SLC8A3: variants seen among roughly 807,000 people sequenced by gnomAD.
SLC8A3 encodes the protein solute carrier family 8 member A3.
In SLC8A3, 37 loss-of-function variants were observed where a neutral mutation model predicts 65.4. The ratio of observed to expected loss-of-function variants is 0.57; its 90% confidence interval spans 0.44 to 0.74. The LOEUF (loss-of-function observed/expected upper bound fraction) is 0.74. Ranked by LOEUF, SLC8A3 falls within the 30% of genes least tolerant of loss-of-function variation. The probability of loss-of-function intolerance (pLI) is 0.00; values close to 1 mark genes in which losing one functional copy is unlikely to be tolerated. For missense variants in SLC8A3, 1,112 were observed against 1,172.1 expected (o/e 0.95, Z 0.75); for synonymous variants, 461 against 444.5 (o/e 1.04, Z -0.47).
intron 2 of SLC8A3, among the ~76,000 whole-genome samples, chr14:70,066,779 C>G (rs1889478458): frequency 6.6e-6 from 1 of 152,140 alleles, no homozygotes; most frequent in African/African-American, 2.4e-5. Context: ...CCATTGCACT[C>G]CAGCCTGGGC....
chr14:70,174,593 G>C (rs1897749557), intron 1 of SLC8A3, among the ~76,000 whole-genome samples: 1 of 148,870 alleles, frequency 6.7e-6, no homozygotes, highest in African/African-American at 2.5e-5. Context: ...GGGGACCAGG[G>C]AAAAGTCAAG....
intron 1 of SLC8A3, among the ~76,000 whole-genome samples, chr14:70,172,281 AT>A (rs1345524626): frequency 6.6e-6 from 1 of 152,236 alleles, no homozygotes; most frequent in Non-Finnish European, 1.5e-5. Flanking sequence ...GAGGTTAGAA[AT>A]ATTTTTATCC....
chr14:70,130,772 G>A (rs892230887), intron 2 of SLC8A3, among the ~76,000 whole-genome samples: 5 of 152,346 alleles, frequency 3.3e-5, no homozygotes, highest in Non-Finnish European at 5.9e-5. Context: ...GTTGTATGCT[G>A]TAAATTATTC....
At chr14:70,155,773 A>T (rs1277494314) in intron 2 of SLC8A3, among the ~76,000 whole-genome samples, 1 of 152,246 alleles carries the variant, frequency 6.6e-6, no homozygotes, top group East Asian at 1.9e-4. Flanking sequence ...CGGAGTTACC[A>T]TCATCAAAAA....
At chr14:70,049,134 T>A (rs964121436) in intron 5 of SLC8A3, 92 bp from the exon 6 acceptor site, 8 of 1,284,486 alleles carry the variant, frequency 6.2e-6, no homozygotes, top group South Asian at 2.8e-5. Context: ...ACAGGCATCA[T>A]CCGCTAGAAG....
intron 2 of SLC8A3, among the ~76,000 whole-genome samples, chr14:70,073,864 AC>A (rs1890233093): frequency 6.6e-6 from 1 of 152,134 alleles, no homozygotes; most frequent in African/African-American, 2.4e-5. Flanking sequence ...CCTGCCTTCC[AC>A]CTTAATTCCC....
intron 1 of SLC8A3, among the ~76,000 whole-genome samples, chr14:70,170,001 C>T (rs1478541814): frequency 2.6e-5 from 4 of 152,192 alleles, no homozygotes; most frequent in Non-Finnish European, 5.9e-5. Context: ...TCACTCCTTA[C>T]CTCATGAATC....
intron 5 of SLC8A3, 150 bp from the exon 6 acceptor site, chr14:70,049,192 T>C (rs1352928824): frequency 6.6e-6 from 5 of 757,810 alleles, no homozygotes; most frequent in Non-Finnish European, 1.0e-5. Flanking sequence ...AGGGCCAGCG[T>C]GCCAGAAAAT....
At chr14:70,085,180 G>A (rs540350291) in intron 2 of SLC8A3, among the ~76,000 whole-genome samples, 1 of 152,220 alleles carries the variant, frequency 6.6e-6, no homozygotes, top group South Asian at 2.1e-4. Flanking sequence ...ATAACCTATA[G>A]ATTCTCTATC....
intron 2 of SLC8A3, among the ~76,000 whole-genome samples, chr14:70,120,769 A>C (rs1366582522): frequency 2.0e-5 from 3 of 152,208 alleles, no homozygotes; most frequent in African/African-American, 7.2e-5. Flanking sequence ...TTCAGCTCTA[A>C]TGATTTGAAA....
intron 2 of SLC8A3, among the ~76,000 whole-genome samples, chr14:70,161,773 G>T (rs1324052696): frequency 2.0e-5 from 3 of 152,236 alleles, no homozygotes; most frequent in Non-Finnish European, 4.4e-5. Context: ...AAAATCGATT[G>T]TGTTTTAGTT....
chr14:70,088,241 T>C (rs964099657), intron 2 of SLC8A3, among the ~76,000 whole-genome samples: 1 of 152,190 alleles, frequency 6.6e-6, no homozygotes. Flanking sequence ...ATACATCTGT[T>C]TGGTGTTGCT....
At chr14:70,132,554 T>C (rs1594731116) in intron 2 of SLC8A3, among the ~76,000 whole-genome samples, 1 of 152,174 alleles carries the variant, frequency 6.6e-6, no homozygotes, top group East Asian at 1.9e-4. Context: ...GGGCTCTGGC[T>C]GCGGTGACCT....
chr14:70,084,200 G>T (rs1891261695), intron 2 of SLC8A3, among the ~76,000 whole-genome samples: 1 of 152,156 alleles, frequency 6.6e-6, no homozygotes, highest in Non-Finnish European at 1.5e-5. Flanking sequence ...TTTAATTAAG[G>T]GGTCCTGCAT....
chr14:70,125,385 A>T (rs1894373601), intron 2 of SLC8A3, among the ~76,000 whole-genome samples: 2 of 151,638 alleles, frequency 1.3e-5, no homozygotes, highest in Non-Finnish European at 2.9e-5. Flanking sequence ...GCCCATGCAT[A>T]TGCATTATTT....
At chr14:70,150,675 C>T (rs549630160) in intron 2 of SLC8A3, among the ~76,000 whole-genome samples, 5 of 152,292 alleles carry the variant, frequency 3.3e-5, no homozygotes, top group African/African-American at 1.2e-4. Flanking sequence ...GCCAGGCCTG[C>T]CTCTCTTTGC....
intron 2 of SLC8A3, among the ~76,000 whole-genome samples, chr14:70,092,126 C>T (rs1891842428): frequency 6.6e-6 from 1 of 152,204 alleles, no homozygotes. Flanking sequence ...TCCTTAACAT[C>T]AGGGCTTTAT....
chr14:70,045,872 A>G lies in SLC8A3; in HGVS notation c.*75T>C. The G allele has an allele frequency of 7.2e-7, 1 of 1,391,746 alleles. No homozygotes were observed. The highest frequency in any genetic ancestry group is 9.6e-7 in the Non-Finnish European group (1 of 1,039,070). 86.2% of individuals were successfully genotyped at this position (1,391,746 alleles called of 1,614,324 possible). A position where few individuals can be genotyped will look rare whatever the true frequency, so the allele number is the denominator to read the frequency against. ...CTCTCCAGGGCAGTGCAGTCGGGAG[A>G]GATCACTGGTGGGGAAGTGCCCTTC... On this transcript the variant is annotated 3_prime_UTR_variant, in exon 7 of 7. Transcript: ENST00000356921.
At position 70,167,916 on chromosome 14, in the gene SLC8A3, G is replaced by T; in HGVS notation, c.507C>A (p.Thr169=). ...TGTTGAAGGCTGCACTCCCTACAAT[G>T]GTAGAAGGTCCCAGATCACCAGCAA... is the stretch of plus-strand genomic sequence containing the variant. ...GFIAGDLGPS[T]IVGSAAFNMF... Residue 169 remains threonine, a synonymous_variant, in exon 2 of 7, where the codon ACC becomes ACA. Coordinates refer to ENST00000356921, the MANE Select transcript of SLC8A3 (RefSeq NM_182932.3). 6.2e-7 allele frequency: 1 copy of T among 1,614,136 alleles called. No individual in the cohort carries two copies. The highest frequency in any genetic ancestry group is 1.3e-5 in the African/African-American group (1 of 75,020).
Sources: gnomAD v4.1 joint callset for allele counts (sites outside exome capture counted in the v4.1 genomes callset) on GRCh38, gnomAD v4.1.1 for gene constraint, MANE v1.5 for transcripts, NCBI Gene and HGNC (gene_info 2026-07-23, HGNC 2026-07-21) for gene names.